MAP3K12: variants seen among roughly 807,000 people sequenced by gnomAD.
MAP3K12 encodes the protein MAPK-upstream kinase.
Under a neutral mutation model 87.5 loss-of-function variants are expected in MAP3K12, and 14 were observed. The ratio of observed to expected loss-of-function variants is 0.16; its 90% CI spans 0.11 to 0.25. MAP3K12 has a LOEUF of 0.25. Among genes scored for constraint, MAP3K12 ranks in the 10% least tolerant of loss-of-function variants. MAP3K12 has a pLI of 1.00. For missense variants in MAP3K12, 802 were observed against 1,140.4 expected, an observed-to-expected ratio of 0.70 and a Z score of 4.27; for synonymous variants, 469 against 452.5, an observed-to-expected ratio of 1.04 and a Z score of -0.46.
In MAP3K12 at chr12:53,487,362, G is replaced by A. The variant is rs772488551; in HGVS notation, c.30C>T (p.Pro10=). The A allele has an allele frequency of 8.1e-6, 13 of 1,613,352 alleles. No individual in the cohort carries two copies. Among genetic ancestry groups the A allele is most frequent in the Non-Finnish European group, 1.0e-5 (12 of 1,179,560 alleles). The part of the protein sequence containing the change: MACLHETRT[P]SPSFGGFVST... ...ACACAAAGCCCCCAAAGGAAGGAGA[G>A]GGTGTTCGGGTCTCATGGAGGCAAG... The change falls in exon 2 of 14, where the codon CCC becomes CCT. Residue 10 remains proline, a synonymous_variant. Transcript: ENST00000547488.
chr12:53,484,391 G>A, intron 6 of MAP3K12, 26 bp from the exon 7 acceptor site: 1 of 1,574,812 alleles, frequency 6.3e-7, no homozygotes, highest in Non-Finnish European at 8.7e-7. Context: ...TTAGGAAGGA[G>A]AGGGGAGAAT....
At chr12:53,483,793 G>T in intron 8 of MAP3K12, 70 bp from the exon 9 acceptor site, 1 of 1,612,484 alleles carries the variant, frequency 6.2e-7, no homozygotes, top group South Asian at 1.1e-5. Flanking sequence ...CTCAGTCTCA[G>T]AATTCCTGTC....
In MAP3K12 at chr12:53,481,958, C is replaced by A; in HGVS notation, c.2563G>T (p.Glu855Ter). The A allele has an allele frequency of 6.2e-7, 1 of 1,612,892 alleles. No individual in the cohort carries two copies. The highest frequency in any genetic ancestry group is 8.5e-7 in the Non-Finnish European group (1 of 1,179,024). Residue 855 changes from glutamate to a stop codon, truncating the protein, a stop_gained, in exon 13 of 14, where the codon GAA becomes TAA. Coordinates refer to ENST00000547488, the MANE Select transcript of MAP3K12 (RefSeq NM_001193511.2). LOFTEE classifies it high-confidence loss of function. ...CCACTCACCCGCTCTCTGAGAAGTT[C>A]CTGGTGTGGAATGGGCAGGGAGCTG... is the stretch of plus-strand genomic sequence containing the variant. ...EPSSLPIPHQ[E>*]LLRERGPPNS...
chr12:53,492,074 CAAA>C lies in MAP3K12; in HGVS notation c.-37-4649_-37-4647del, dbSNP rs397849916. On this transcript the variant is annotated intron_variant, in intron 1 of 13. Transcript: ENST00000547488. The stretch of plus-strand genomic sequence containing the variant: ...TGGGTGACAGAGCAAGACTCTGTTT[CAAA>C]AAAAAAAAAAAAAAGAAGAAGAAGA... Among the ~76,000 whole-genome samples, 53 of 100,904 alleles carry C rather than the reference CAAA, an allele frequency of 5.3e-4. No homozygotes were observed. The South Asian group carries it at 5.3e-3, about 10-fold the overall frequency. 66.2% of individuals were successfully genotyped at this position (100,904 alleles called of 152,430 possible).
upstream of MAP3K12, chr12:53,501,435 C>A: frequency 6.4e-7 from 1 of 1,569,250 alleles, no homozygotes; most frequent in Non-Finnish European, 8.6e-7. Context: ...AAGGCTCCGG[C>A]ACTACCACGG....
upstream of MAP3K12, chr12:53,501,171 G>A (rs1374520043): frequency 7.1e-6 from 4 of 565,120 alleles, no homozygotes; most frequent in Non-Finnish European, 1.3e-5. Flanking sequence ...GCTCCTCCCA[G>A]AAGGCGGTGC....
chr12:53,483,153 T>G lies in MAP3K12; in HGVS notation c.1650A>C (p.Lys550Asn). Reference sequence around the variant, plus strand: ...CCACCCCACTCAGGGCTGCATCTAGTTTAGGGAGCAAAGACTCCGTCTTGA... The same window carrying G: ...CCACCCCACTCAGGGCTGCATCTAGGTTAGGGAGCAAAGACTCCGTCTTGA... ...DILKTESLLP[K>N]LDAALSGVGL... The change falls in exon 11 of 14, where the codon AAA (lysine) becomes AAC (asparagine). Residue 550 changes from lysine to asparagine, a missense_variant. Lys to Asn is a moderately conservative substitution (Grantham distance 94). Transcript: ENST00000547488. The G allele has an allele frequency of 6.6e-6, 10 of 1,521,034 alleles. No homozygotes were observed. The highest frequency in any genetic ancestry group is 8.8e-6 in the Non-Finnish European group (10 of 1,136,774). The allele number at this position is 1,521,034 out of a possible 1,614,324, so 94.2% of individuals were successfully genotyped here. A position where few individuals can be genotyped will look rare whatever the true frequency, so the allele number is the denominator to read the frequency against.
rs767551257 is a variant in MAP3K12, at chr12:53,482,200, C to T, written c.2321G>A (p.Ser774Asn). Residue 774 changes from serine to asparagine, a missense_variant, in exon 13 of 14, where the codon AGC (serine) becomes AAC (asparagine). This residue lies in a region of MAP3K12 where 490 missense variants were observed against 496.6 expected (regional missense o/e 0.99). Coordinates refer to ENST00000547488, the MANE Select transcript of MAP3K12 (RefSeq NM_001193511.2). Reference sequence around the variant, plus strand: ...AGATAGTGACTGGCGCATGTTCAGGCTCTGAGGCCACCTACATGTTGAAGA... The same window carrying T: ...AGATAGTGACTGGCGCATGTTCAGGTTCTGAGGCCACCTACATGTTGAAGA... ...ELTSSQRWPQ[S>N]LNMRQSLSTF... 6.2e-7 allele frequency: 1 copy of T among 1,614,162 alleles called. No individual in the cohort carries two copies. Among genetic ancestry groups the T allele is most frequent in the South Asian group, 1.1e-5 (1 of 91,086 alleles).
Position 53,487,243 on chromosome 12 carries a change from C to T in MAP3K12, c.149G>A (p.Arg50Gln), listed in dbSNP as rs377493870. 6 of 1,613,620 alleles carry T rather than the reference C, an allele frequency of 3.7e-6. No individual in the cohort carries two copies. Among genetic ancestry groups the T allele is most frequent in the East Asian group, 2.2e-5 (1 of 44,856 alleles). Reference protein sequence around the residue: ...KDLTPTQCVLRDVVPLGGQGG... With the variant: ...KDLTPTQCVLQDVVPLGGQGG... ...CTGCCCACCAAGGGGTACCACATCT[C>T]GAAGTACACACTGGGTAGGCGTCAG... Residue 50 changes from arginine (R) to glutamine (Q), a missense_variant, in exon 2 of 14, where the codon CGA becomes CAA. Physicochemically the swap from Arg to Gln is conservative, Grantham distance 43. Around this residue, in one of 5 missense-constraint regions of MAP3K12, gnomAD observed 135 missense variants for 151.6 expected, o/e 0.89. Coordinates refer to ENST00000547488, the MANE Select transcript of MAP3K12 (RefSeq NM_001193511.2).
chr12:53,496,636 T>A (rs1943554964), intron 1 of MAP3K12, among the ~76,000 whole-genome samples: 1 of 152,220 alleles, frequency 6.6e-6, no homozygotes, highest in Non-Finnish European at 1.5e-5. Context: ...AATACCAAAG[T>A]ATAACAACAG....
At chr12:53,495,339 CAAAA>C (rs10647631) in intron 1 of MAP3K12, among the ~76,000 whole-genome samples, 157 of 19,352 alleles carry the variant, frequency 8.1e-3, no homozygotes, top group Non-Finnish European at 9.4e-3. Flanking sequence ...ACTCTGTCTC[CAAAA>C]AAAAAAAAAA....
At position 53,486,280 on chromosome 12, in the gene MAP3K12, C is replaced by G. The variant is rs371301212; in HGVS notation, c.630-33G>C. On this transcript the variant is annotated intron_variant, in intron 3 of 13. Transcript: ENST00000547488. This position sits in a 1 kb window ranked among gnomAD's most constrained non-coding sequence, Gnocchi z 4.9. ...CCAAACAATGGTATGAAGGCCTCAG[C>G]TGGCTCAGCATTCACCTGATTCATA... 2.5e-6 allele frequency: 4 copies of G among 1,572,268 alleles called. No homozygotes were observed. The highest frequency in any genetic ancestry group is 3.5e-6 in the Non-Finnish European group (4 of 1,157,080).
At chr12:53,498,980 GT>G (rs1943610412) in intron 1 of MAP3K12, among the ~76,000 whole-genome samples, 2 of 35,724 alleles carry the variant, frequency 5.6e-5, no homozygotes, top group African/African-American at 1.8e-4. Flanking sequence ...GTGTGTGTGT[GT>G]GTGTGTGTGT....
intron 1 of MAP3K12, among the ~76,000 whole-genome samples, chr12:53,494,063 C>A (rs532438449): frequency 4.3e-4 from 66 of 152,308 alleles, no homozygotes; most frequent in Middle Eastern, 3.4e-3. Flanking sequence ...CACACACATA[C>A]CCCTTTTTGT....
chr12:53,491,301 A>AAAAAAAAAAAAAAAAAAAG lies in MAP3K12; in HGVS notation c.-37-3874_-37-3873insCTTTTTTTTTTTTTTTTTT, dbSNP rs796169121. The stretch of plus-strand genomic sequence containing the variant: ...AGACTCTGTCTCAAAAAAAAAAAAA[A>AAAAAAAAAAAAAAAAAAAG]AAAAGAAAAGAAAAGAAAAACAGGC... On this transcript the variant is annotated intron_variant, in intron 1 of 13. Transcript: ENST00000547488. Among the ~76,000 whole-genome samples, 59 of 101,592 alleles carry AAAAAAAAAAAAAAAAAAAG rather than the reference A, an allele frequency of 5.8e-4. 2 individuals are homozygous for AAAAAAAAAAAAAAAAAAAG. The highest frequency in any genetic ancestry group is 1.6e-3 in the African/African-American group (43 of 26,626). The allele number at this position is 101,592 out of a possible 152,430, so 66.6% of individuals were successfully genotyped here.
intron 1 of MAP3K12, among the ~76,000 whole-genome samples, chr12:53,495,149 C>A (rs1332509320): frequency 6.6e-6 from 1 of 151,964 alleles, no homozygotes; most frequent in Non-Finnish European, 1.5e-5. Flanking sequence ...ACCATCCTGG[C>A]TACCATGGGG....
chr12:53,482,304 G>T lies in MAP3K12; in HGVS notation c.2304C>A (p.Ser768Arg). ...CTTGTAATGCCATCACTTACCTCTG[G>T]CTTGATGTCAGCTCTACTTCACTGT... ...EVDSEVELTS[S>R]QRWPQSLNMR... The change falls in exon 12 of 14, where the codon AGC becomes AGA. Residue 768 changes from serine to arginine, a missense_variant. By Grantham distance (110) the Ser-to-Arg change is moderately radical (BLOSUM62 -1). Around this residue, in one of 5 missense-constraint regions of MAP3K12, gnomAD observed 490 missense variants for 496.6 expected, o/e 0.99. Transcript: ENST00000547488. 3.1e-6 allele frequency: 5 copies of T among 1,614,012 alleles called. No individual in the cohort carries two copies. Among genetic ancestry groups the T allele is most frequent in the Non-Finnish European group, 4.2e-6 (5 of 1,179,996 alleles).
chr12:53,482,559 C>A lies in MAP3K12; in HGVS notation c.2238+6G>T. ...GAAAGAGCTTGGGAGCCTTCCCATA[C>A]TTTACCTGACTTCGGGTGACGGCAG... On this transcript the variant is annotated splice_donor_region_variant and intron_variant, in intron 11 of 13. Coordinates refer to ENST00000547488, the MANE Select transcript of MAP3K12 (RefSeq NM_001193511.2). 1 of 1,601,908 alleles carries A rather than the reference C, an allele frequency of 6.2e-7. No individual in the cohort carries two copies. The highest frequency in any genetic ancestry group is 1.1e-5 in the South Asian group (1 of 89,914).
At position 53,483,204 on chromosome 12, in the gene MAP3K12, A is replaced by G; in HGVS notation, c.1614-15T>C. Reference sequence around the variant, plus strand: ...GGATATCTGGCCTGGAAGAAGAGGAAAAGTAAAAGGTTAAGACTGCCAAAT... The same window carrying G: ...GGATATCTGGCCTGGAAGAAGAGGAGAAGTAAAAGGTTAAGACTGCCAAAT... On this transcript the variant is annotated splice_polypyrimidine_tract_variant and intron_variant, in intron 10 of 13. Transcript: ENST00000547488. The G allele has an allele frequency of 3.9e-6, 6 of 1,525,664 alleles. No homozygotes were observed. The highest frequency in any genetic ancestry group is 5.3e-6 in the Non-Finnish European group (6 of 1,138,898). The allele number at this position is 1,525,664 out of a possible 1,614,324, so 94.5% of individuals were successfully genotyped here. A position where few individuals can be genotyped will look rare whatever the true frequency, so the allele number is the denominator to read the frequency against.
Sources: allele counts gnomAD v4.1 joint callset (sites outside exome capture counted in the v4.1 genomes callset), GRCh38; gene constraint gnomAD v4.1.1; regional missense constraint gnomAD v4.1.1; non-coding constraint Gnocchi (gnomAD v3.1); transcripts MANE v1.5; gene names NCBI Gene and HGNC (gene_info 2026-07-23, HGNC 2026-07-21).